The following USH2A variants were observed in gnomAD, a reference collection of about 807,000 sequenced individuals.
USH2A encodes usherin, also known as Usher syndrome 2A (autosomal recessive, mild).
A neutral mutation model predicts 538.9 loss-of-function variants in USH2A; 443 were observed. That is an observed-to-expected ratio of 0.82 (90% CI 0.76 to 0.89). The LOEUF (loss-of-function observed/expected upper bound fraction) is 0.89, where lower values mean the gene tolerates loss of function less well. Ranked by LOEUF, USH2A falls within the 40% of genes least tolerant of loss-of-function variation. The pLI is 0.00. For synonymous variants in USH2A, 2,413 were observed against 2,273.5 expected (o/e 1.06, Z -1.75); for missense variants, 6,633 against 6,324.8 (o/e 1.05, Z -1.65).
At chr1:215,967,816 A>G (rs1667390517) in intron 36 of USH2A, among the ~76,000 whole-genome samples, 1 of 152,056 alleles carries the variant, frequency 6.6e-6, no homozygotes, top group African/African-American at 2.4e-5. Context: ...ATTTATCTGT[A>G]TAAGTATGAC....
chr1:215,681,828 A>G (rs1296631815), intron 61 of USH2A, among the ~76,000 whole-genome samples: 1 of 152,328 alleles, frequency 6.6e-6, no homozygotes, highest in South Asian at 2.1e-4. Context: ...TGTAAAGTCA[A>G]TTTTCCTATT....
intron 61 of USH2A, among the ~76,000 whole-genome samples, chr1:215,722,530 T>C (rs1225481000): frequency 6.6e-6 from 1 of 152,216 alleles, no homozygotes; most frequent in African/African-American, 2.4e-5. Flanking sequence ...ATTGTTATTA[T>C]TTTTGCCACA....
chr1:215,674,771 T>G lies in USH2A; in HGVS notation c.13140A>C (p.Thr4380=), dbSNP rs758501903. The change falls in exon 63 of 72, where the codon ACA becomes ACC. Residue 4380 remains threonine, a synonymous_variant. Coordinates refer to ENST00000307340, the MANE Select transcript of USH2A (RefSeq NM_206933.4). ...ATTTAGTAATCTTTCCATTTTGCAC[T>G]GTGGGCGGTGACCAACATACATTCA... The part of the protein sequence containing the change: ...TQMNVCWSPP[T]VQNGKITKYL... 5 of 1,614,062 alleles carry G rather than the reference T, an allele frequency of 3.1e-6. No individual in the cohort carries two copies. The African/African-American group carries it at 5.3e-5, about 17-fold the overall frequency.
chr1:215,643,842 T>C (rs1656767162), intron 67 of USH2A, among the ~76,000 whole-genome samples: 1 of 151,854 alleles, frequency 6.6e-6, no homozygotes, highest in African/African-American at 2.4e-5. Context: ...AGGAAGAAAA[T>C]CTTAAATCAG....
rs1558027620 is a variant in USH2A at position 215,627,457 on chromosome 1, C to CTTCT, written c.15519+1356_15519+1357insAGAA. ...CCTTCCTTCCTTCCTTCCTTCCTTC[C>CTTCT]TTCCTTCCTTCCTTCCTTCCTTCCT... On this transcript the variant is annotated intron_variant, in intron 71 of 71. Coordinates refer to ENST00000307340, the MANE Select transcript of USH2A (RefSeq NM_206933.4). 4.2e-4 allele frequency among the ~76,000 whole-genome samples: 49 copies of CTTCT among 117,972 alleles called. 4 individuals are homozygous for CTTCT. In the South Asian group the frequency reaches 7.2e-3, roughly 17 times the overall value. The allele number at this position is 117,972 out of a possible 152,430, so 77.4% of individuals were successfully genotyped here. A position where few individuals can be genotyped will look rare whatever the true frequency, so the allele number is the denominator to read the frequency against.
chr1:216,394,804 C>T (rs1417197476), intron 3 of USH2A, among the ~76,000 whole-genome samples: 3 of 149,018 alleles, frequency 2.0e-5, no homozygotes, highest in Non-Finnish European at 3.0e-5. Context: ...CTGCAAGCTC[C>T]GCCTCCCGGG....
intron 30 of USH2A, among the ~76,000 whole-genome samples, chr1:216,051,291 C>T (rs1368956412): frequency 6.6e-6 from 1 of 152,198 alleles, no homozygotes; most frequent in Non-Finnish European, 1.5e-5. Context: ...ATTTCATACT[C>T]AACGTGCCCC....
chr1:215,775,480 T>C (rs933545450), intron 55 of USH2A, among the ~76,000 whole-genome samples: 8 of 152,184 alleles, frequency 5.3e-5, no homozygotes, highest in Non-Finnish European at 1.0e-4. Context: ...TATTAAGTAC[T>C]GTGATAGGTA....
chr1:215,879,964 C>T (rs1664866261), intron 41 of USH2A, among the ~76,000 whole-genome samples: 1 of 152,076 alleles, frequency 6.6e-6, no homozygotes, highest in South Asian at 2.1e-4. Flanking sequence ...ATATAAATGC[C>T]AGGATATATA....
At chr1:216,246,528 T>C in intron 13 of USH2A, 57 bp downstream of exon 13, 1 of 1,612,666 alleles carries the variant, frequency 6.2e-7, no homozygotes, top group Non-Finnish European at 8.5e-7. Context: ...AGAAGTTACC[T>C]AAGTTAACAA....
At position 215,934,713 on chromosome 1, in the gene USH2A, C is replaced by G; in HGVS notation, c.7203G>C (p.Gly2401=). Residue 2401 remains glycine, a synonymous_variant, in exon 38 of 72, where the codon GGG becomes GGC. Coordinates refer to ENST00000307340, the MANE Select transcript of USH2A (RefSeq NM_206933.4). ...CAGTATAGTTGGTAAAAGGAACCAG[C>G]CCATCGATGAGCACCCAAAGGTTTG... ...EETNLWVLID[G]LVPFTNYTVQ... 1.2e-6 allele frequency: 2 copies of G among 1,612,888 alleles called. No individual in the cohort carries two copies. The highest frequency in any genetic ancestry group is 1.7e-5 in the Admixed American group (1 of 59,900).
intron 3 of USH2A, among the ~76,000 whole-genome samples, chr1:216,403,561 G>A (rs377518245): frequency 6.6e-6 from 1 of 152,078 alleles, no homozygotes; most frequent in African/African-American, 2.4e-5. Flanking sequence ...CTATAAATGT[G>A]AGTTCAGCAA....
chr1:215,809,371 T>C (rs1243441229), intron 49 of USH2A, among the ~76,000 whole-genome samples: 1 of 151,904 alleles, frequency 6.6e-6, no homozygotes, highest in South Asian at 2.1e-4. Context: ...TTGAGCATAA[T>C]AAATGTTAAT....
rs80336929 is a variant in USH2A, at chr1:216,409,986, G to A, written c.651+8528C>T. Among the ~76,000 whole-genome samples, 306 of 152,002 alleles carry A rather than the reference G, an allele frequency of 2.0e-3. 5 individuals are homozygous for A. Among genetic ancestry groups the A allele is most frequent in the African/African-American group, 6.9e-3 (287 of 41,486 alleles). On this transcript the variant is annotated intron_variant, in intron 3 of 71. Coordinates refer to ENST00000307340, the MANE Select transcript of USH2A (RefSeq NM_206933.4). ...TACATCTGGCAAAGGTCTGATAGCT[G>A]GCCTCTATAACAAACTTCAACAAAT...
chr1:215,779,194 A>C (rs1045651232), intron 55 of USH2A, among the ~76,000 whole-genome samples: 4 of 152,208 alleles, frequency 2.6e-5, no homozygotes, highest in African/African-American at 9.6e-5. Context: ...TATTCGAGCA[A>C]GTAAGTCAGA....
chr1:216,083,579 C>T lies in USH2A; in HGVS notation c.5175G>A (p.Leu1725=), dbSNP rs1571946849. ...CATGAAACATATATGGATGAAGTTC[C>T]AGGAACCCTTTAAAGATAAAAATAT... ...EGAQFLGAGF[L]ELHPYMFHGG... is the part of the protein sequence containing the mutation. The change falls in exon 26 of 72, where the codon CTG becomes CTA. Residue 1725 remains leucine, a synonymous_variant. Coordinates refer to ENST00000307340, the MANE Select transcript of USH2A (RefSeq NM_206933.4). 2.5e-6 allele frequency: 4 copies of T among 1,611,924 alleles called. No homozygotes were observed. Among genetic ancestry groups the T allele is most frequent in the Admixed American group, 1.7e-5 (1 of 59,782 alleles).
At chr1:216,157,505 C>T (rs569517159) in intron 21 of USH2A, among the ~76,000 whole-genome samples, 22 of 152,126 alleles carry the variant, frequency 1.4e-4, no homozygotes, top group South Asian at 6.2e-4. Flanking sequence ...ACCAAAAAGA[C>T]GCATGCACTC....
intron 58 of USH2A, among the ~76,000 whole-genome samples, chr1:215,755,863 T>A (rs1660778379): frequency 6.6e-6 from 1 of 152,110 alleles, no homozygotes; most frequent in Non-Finnish European, 1.5e-5. Context: ...AATGGAAACA[T>A]GATACATTAA....
intron 21 of USH2A, among the ~76,000 whole-genome samples, chr1:216,161,701 T>G (rs1042244795): frequency 3.3e-5 from 5 of 152,118 alleles, no homozygotes; most frequent in African/African-American, 1.2e-4. Context: ...TGCCAGTCTT[T>G]TGATGATAAC....
Sources: gnomAD v4.1 joint callset for allele counts (sites outside exome capture counted in the v4.1 genomes callset) on GRCh38, gnomAD v4.1.1 for gene constraint, MANE v1.5 for transcripts, NCBI Gene and HGNC (gene_info 2026-07-23, HGNC 2026-07-21) for gene names.